The following IL23R variants were observed in gnomAD, a reference collection of about 807,000 sequenced individuals.
IL23R encodes interleukin 23 receptor.
IL23R carries 34 observed loss-of-function variants against 56.9 expected under a neutral mutation model. The observed-to-expected ratio is 0.60, with a 90% CI of 0.45 to 0.80. The LOEUF (loss-of-function observed/expected upper bound fraction) is 0.80, where lower values mean the gene tolerates loss of function less well. Ranked by LOEUF, IL23R falls within the 30% of genes least tolerant of loss-of-function variation. The pLI is 0.00. For synonymous variants in IL23R, 230 were observed against 249.2 expected (o/e 0.92, Z 0.73); for missense variants, 635 against 730.0 (o/e 0.87, Z 1.50).
At chr1:67,175,651 C>T (rs571978400) in intron 3 of IL23R, among the ~76,000 whole-genome samples, 7 of 152,228 alleles carry the variant, frequency 4.6e-5, no homozygotes, top group Middle Eastern at 3.4e-3. Flanking sequence ...CACATTGTAG[C>T]ATGTGTTAAA....
chr1:67,194,511 C>T (rs1333993190), intron 4 of IL23R, among the ~76,000 whole-genome samples: 1 of 152,124 alleles, frequency 6.6e-6, no homozygotes, highest in African/African-American at 2.4e-5. Context: ...ATAAAAATAA[C>T]CCTAAGGTGT....
At chr1:67,244,083 T>A (rs1385213259) in intron 9 of IL23R, among the ~76,000 whole-genome samples, 1 of 152,230 alleles carries the variant, frequency 6.6e-6, no homozygotes, top group African/African-American at 2.4e-5. Flanking sequence ...TTTTTTCATA[T>A]GTTTGTTGGC....
At chr1:67,214,364 C>CA (rs2102652086) in intron 6 of IL23R, among the ~76,000 whole-genome samples, 1 of 152,170 alleles carries the variant, frequency 6.6e-6, no homozygotes, top group Non-Finnish European at 1.5e-5. Context: ...GGTATAAGTT[C>CA]AAAAAAATCT....
chr1:67,190,196 C>T (rs911492258), intron 4 of IL23R, among the ~76,000 whole-genome samples: 4 of 152,220 alleles, frequency 2.6e-5, no homozygotes, highest in Non-Finnish European at 4.4e-5. Context: ...TACCTGAGAC[C>T]ACCTACTCAT....
At chr1:67,172,325 T>C (rs1356233469) in intron 3 of IL23R, among the ~76,000 whole-genome samples, 1 of 152,212 alleles carries the variant, frequency 6.6e-6, no homozygotes, top group Non-Finnish European at 1.5e-5. Flanking sequence ...ATGTATTTTT[T>C]TAGACTAGAG....
At position 67,182,844 on chromosome 1, in the gene IL23R, G is replaced by T. The variant is rs780271790; in HGVS notation, c.376G>T (p.Asp126Tyr). The change falls in exon 4 of 11, where the codon GAT (aspartate) becomes TAT (tyrosine). Residue 126 changes from aspartate (D) to tyrosine (Y), a missense_variant. Coordinates refer to ENST00000347310, the MANE Select transcript of IL23R (RefSeq NM_144701.3). ...GKDISSGYPP[D>Y]IPDEVTCVIY... ...GTTATGTTTTGTTGCAGATCCGCCA[G>T]ATATTCCTGATGAAGTAACCTGTGT... 1.2e-6 allele frequency: 2 copies of T among 1,614,038 alleles called. No homozygotes were observed. The highest frequency in any genetic ancestry group is 1.1e-5 in the South Asian group (1 of 91,064).
In IL23R at chr1:67,186,087, G is replaced by A. The variant is rs118080739; in HGVS notation, c.491+3128G>A. Among the ~76,000 whole-genome samples the A allele has an allele frequency of 3.3e-3, 503 of 152,278 alleles. 12 individuals carry two copies. The East Asian group carries it at 0.064, about 19-fold the overall frequency. On this transcript the variant is annotated intron_variant, in intron 4 of 10. Coordinates refer to ENST00000347310, the MANE Select transcript of IL23R (RefSeq NM_144701.3). ...ACTAAACCTCTACCCCTTGCCTATA[G>A]GGTAAAGTAGAAAAGCCATGAGAGC...
chr1:67,197,343 C>A (rs554450162), intron 4 of IL23R, among the ~76,000 whole-genome samples: 14 of 152,142 alleles, frequency 9.2e-5, no homozygotes, highest in African/African-American at 3.1e-4. Context: ...GCAAAGATCA[C>A]AATAAAAGGA....
At chr1:67,238,103 T>C (rs575555708) in intron 8 of IL23R, among the ~76,000 whole-genome samples, 16 of 152,208 alleles carry the variant, frequency 1.1e-4, no homozygotes, top group Non-Finnish European at 1.6e-4. Flanking sequence ...ATCCCAGCAC[T>C]TTGGGAGGCC....
intron 4 of IL23R, among the ~76,000 whole-genome samples, chr1:67,190,429 A>G (rs1647654438): frequency 1.1e-5 from 1 of 94,300 alleles, no homozygotes; most frequent in African/African-American, 4.5e-5. Context: ...GGGTAATGAT[A>G]GGGAAAAAAA....
At chr1:67,229,310 T>C (rs1275384798) in intron 7 of IL23R, among the ~76,000 whole-genome samples, 2 of 152,168 alleles carry the variant, frequency 1.3e-5, no homozygotes, top group African/African-American at 2.4e-5. Flanking sequence ...TAAACAGCAT[T>C]ACAAAGGATA....
chr1:67,219,801 C>A, intron 7 of IL23R, 71 bp downstream of exon 7: 1 of 1,431,496 alleles, frequency 7.0e-7, no homozygotes, highest in Non-Finnish European at 9.8e-7. Flanking sequence ...CACAGTGGCT[C>A]ACACCTATAA....
intron 1 of IL23R, among the ~76,000 whole-genome samples, chr1:67,157,439 C>T (rs892300632): frequency 1.3e-5 from 2 of 152,088 alleles, no homozygotes; most frequent in Non-Finnish European, 1.5e-5. Context: ...GCTTAATACC[C>T]TTCAACAGCT....
intron 1 of IL23R, among the ~76,000 whole-genome samples, chr1:67,160,994 T>C (rs1183894469): frequency 6.6e-6 from 1 of 152,230 alleles, no homozygotes; most frequent in African/African-American, 2.4e-5. Flanking sequence ...TTTATAGCAA[T>C]TGATACCAAT....
At chr1:67,244,287 T>C (rs2100343255) in intron 9 of IL23R, among the ~76,000 whole-genome samples, 1 of 152,356 alleles carries the variant, frequency 6.6e-6, no homozygotes, top group Non-Finnish European at 1.5e-5. Flanking sequence ...TGATAGTTTC[T>C]TTTGCTGTGC....
At chr1:67,233,845 T>G (rs1414348545) in intron 7 of IL23R, among the ~76,000 whole-genome samples, 1 of 142,818 alleles carries the variant, frequency 7.0e-6, no homozygotes, top group Admixed American at 7.1e-5. Context: ...CAGTAAGATA[T>G]CATGAGGTTT....
At position 67,205,885 on chromosome 1, in the gene IL23R, TTCTTTCTTTCTTTC is replaced by T. The variant is rs1237275796; in HGVS notation, c.653-1023_653-1010del. Among the ~76,000 whole-genome samples, 5 of 56,100 alleles carry T rather than the reference TTCTTTCTTTCTTTC, an allele frequency of 8.9e-5. No individual in the cohort carries two copies. In the East Asian group the frequency reaches 3.4e-3, roughly 38 times the overall value. 36.8% of individuals were successfully genotyped at this position (56,100 alleles called of 152,430 possible). A position where few individuals can be genotyped will look rare whatever the true frequency, so the allele number is the denominator to read the frequency against. On this transcript the variant is annotated intron_variant, in intron 5 of 10. Transcript: ENST00000347310. ...GAATTGAACATCCATCTTTCTTTCT[TTCTTTCTTTCTTTC>T]TTTCTTTCTTTCTTTCTTTCTTTCT...
chr1:67,202,551 C>T (rs1378379551), intron 5 of IL23R, among the ~76,000 whole-genome samples: 3 of 152,034 alleles, frequency 2.0e-5, no homozygotes, highest in Non-Finnish European at 2.9e-5. Flanking sequence ...TTTTCACATA[C>T]GTTATTTAAC....
intron 1 of IL23R, among the ~76,000 whole-genome samples, chr1:67,166,894 A>G (rs572074387): frequency 6.6e-6 from 1 of 152,310 alleles, no homozygotes; most frequent in East Asian, 1.9e-4. Context: ...TGAGCCATGC[A>G]TTGCGTTCTC....
Sources: gnomAD v4.1 joint callset for allele counts (sites outside exome capture counted in the v4.1 genomes callset) on GRCh38, gnomAD v4.1.1 for gene constraint, MANE v1.5 for transcripts, NCBI Gene and HGNC (gene_info 2026-07-23, HGNC 2026-07-21) for gene names.